Variants in SMYD3 observed in about 807,000 individuals in gnomAD.
The protein encoded by SMYD3 is histone-lysine N-methyltransferase SMYD3.
SMYD3 carries 36 observed loss-of-function variants against 57.7 expected under a neutral mutation model. The ratio of observed to expected loss-of-function variants is 0.62; its 90% CI spans 0.48 to 0.82. The LOEUF is 0.82. Among genes scored for constraint, SMYD3 ranks in the 40% least tolerant of loss-of-function variants. The probability of loss-of-function intolerance (pLI) is 0.00; values close to 1 mark genes in which losing one functional copy is unlikely to be tolerated. For synonymous variants in SMYD3, 211 were observed against 195.0 expected (o/e 1.08, Z -0.68); for missense variants, 515 against 538.8 (o/e 0.96, Z 0.44).
intron 5 of SMYD3, among the ~76,000 whole-genome samples, chr1:246,207,203 C>T (rs565546295): frequency 6.6e-6 from 1 of 152,146 alleles, no homozygotes; most frequent in Admixed American, 6.5e-5. Flanking sequence ...CTGTACCACA[C>T]ATAAAACATC....
chr1:246,029,620 C>G (rs1474241996), intron 5 of SMYD3, among the ~76,000 whole-genome samples: 2 of 146,062 alleles, frequency 1.4e-5, no homozygotes, highest in Admixed American at 1.4e-4. Context: ...TGCAGTGAGC[C>G]AAGATCCTAC....
chr1:246,105,760 C>A (rs1203172291), intron 5 of SMYD3, among the ~76,000 whole-genome samples: 2 of 152,188 alleles, frequency 1.3e-5, no homozygotes, highest in Non-Finnish European at 2.9e-5. Flanking sequence ...GCCCGAAATG[C>A]CAGGTGGAAA....
intron 10 of SMYD3, among the ~76,000 whole-genome samples, chr1:245,807,539 A>G (rs1313105898): frequency 6.6e-6 from 1 of 152,206 alleles, no homozygotes; most frequent in Non-Finnish European, 1.5e-5. Context: ...GGCAGCAGAG[A>G]GAGAATTACC....
At chr1:246,440,176 C>A (rs1289019235) in intron 1 of SMYD3, among the ~76,000 whole-genome samples, 1 of 151,950 alleles carries the variant, frequency 6.6e-6, no homozygotes, top group Non-Finnish European at 1.5e-5. Flanking sequence ...GAAAGACAAC[C>A]ACTATTAAAC....
chr1:246,169,901 C>CAAAA (rs35486805), intron 5 of SMYD3, among the ~76,000 whole-genome samples: 28 of 107,390 alleles, frequency 2.6e-4, no homozygotes, highest in African/African-American at 9.6e-4. Flanking sequence ...AAGACTCTGC[C>CAAAA]AAAAAAAAAA....
intron 10 of SMYD3, among the ~76,000 whole-genome samples, chr1:245,767,529 G>A (rs1428086820): frequency 2.0e-5 from 3 of 152,196 alleles, no homozygotes; most frequent in Non-Finnish European, 4.4e-5. Flanking sequence ...GTGTGCTCTG[G>A]GAGCAGCCGG....
chr1:245,955,100 GT>G (rs1295484688), intron 5 of SMYD3, among the ~76,000 whole-genome samples: 10 of 152,020 alleles, frequency 6.6e-5, no homozygotes, highest in African/African-American at 2.4e-5. Context: ...GTGGTGTTTT[GT>G]TTTTGTTTTT....
Position 245,858,504 on chromosome 1 carries a change from C to T in SMYD3, c.1068G>A (p.Glu356=). The T allele has an allele frequency of 1.2e-6, 2 of 1,613,618 alleles. No individual in the cohort carries two copies. Among genetic ancestry groups the T allele is most frequent in the Non-Finnish European group, 1.7e-6 (2 of 1,179,812 alleles). The change falls in exon 10 of 12, where the codon GAG becomes GAA. Residue 356 remains glutamate (E), a synonymous_variant. Transcript: ENST00000490107. ...CTCTCCCTGGGACTTGCCTGTATGG[C>T]TCCATGGTCCGAGTACCATAGAACA... The part of the protein sequence containing the change: ...EALFYGTRTM[E]PYRIFFPGSH...
chr1:245,891,980 C>G (rs528434515), intron 8 of SMYD3, among the ~76,000 whole-genome samples: 39 of 152,230 alleles, frequency 2.6e-4, no homozygotes, highest in African/African-American at 9.1e-4. Flanking sequence ...CAGGAGTGAG[C>G]CATGAACACA....
intron 5 of SMYD3, among the ~76,000 whole-genome samples, chr1:246,303,264 G>C (rs2064923839): frequency 6.6e-6 from 1 of 152,164 alleles, no homozygotes; most frequent in South Asian, 2.1e-4. Flanking sequence ...GTGGTTGGCA[G>C]AATTTTAAGG....
At chr1:246,137,226 A>C (rs550467939) in intron 5 of SMYD3, among the ~76,000 whole-genome samples, 2 of 152,162 alleles carry the variant, frequency 1.3e-5, no homozygotes, top group Non-Finnish European at 2.9e-5. Context: ...ATATTTCATC[A>C]CTCCATAAGG....
intron 5 of SMYD3, among the ~76,000 whole-genome samples, chr1:245,968,653 T>C (rs1050827961): frequency 6.6e-6 from 1 of 152,220 alleles, no homozygotes; most frequent in Admixed American, 6.5e-5. Flanking sequence ...TTGAATCTTG[T>C]GACTCGGGGC....
rs568823144 is a variant in SMYD3 at position 246,280,287 on chromosome 1, T to C, written c.531+46914A>G. Among the ~76,000 whole-genome samples, 5 of 152,336 alleles carry C rather than the reference T, an allele frequency of 3.3e-5. No homozygotes were observed. In the East Asian group the frequency reaches 9.6e-4, roughly 29 times the overall value. ...AGGCACAAAGTATTATTTTATAAAG[T>C]CTACCAAGTAACGAACATCAAAGAA... On this transcript the variant is annotated intron_variant, in intron 5 of 11. Coordinates refer to ENST00000490107, the MANE Select transcript of SMYD3 (RefSeq NM_001167740.2).
At chr1:246,423,844 T>C (rs2067181627) in intron 1 of SMYD3, among the ~76,000 whole-genome samples, 2 of 152,120 alleles carry the variant, frequency 1.3e-5, no homozygotes, top group South Asian at 2.1e-4. Context: ...TAGACCACTG[T>C]AGAAACTTTG....
chr1:245,912,335 T>C (rs1284362736), intron 8 of SMYD3, among the ~76,000 whole-genome samples: 1 of 151,944 alleles, frequency 6.6e-6, no homozygotes, highest in African/African-American at 2.4e-5. Context: ...ATAAGAACTA[T>C]AAAACATTGA....
intron 10 of SMYD3, among the ~76,000 whole-genome samples, chr1:245,823,925 C>A (rs2049318760): frequency 6.6e-6 from 1 of 152,166 alleles, no homozygotes; most frequent in South Asian, 2.1e-4. Context: ...CCAGGGAGAC[C>A]CACGTGCTCC....
At chr1:246,072,777 A>G (rs1389139795) in intron 5 of SMYD3, among the ~76,000 whole-genome samples, 1 of 149,166 alleles carries the variant, frequency 6.7e-6, no homozygotes, top group East Asian at 2.0e-4. Context: ...CAGATGGTAA[A>G]CTGCTTTCTC....
chr1:245,930,437 GT>G (rs2147849825), intron 5 of SMYD3: 1 of 328,060 alleles, frequency 3.0e-6, no homozygotes, highest in East Asian at 8.1e-5. Flanking sequence ...ATGCGTGTTG[GT>G]GAAGACCACA....
chr1:245,851,243 C>T (rs2050957961), intron 10 of SMYD3, among the ~76,000 whole-genome samples: 1 of 152,196 alleles, frequency 6.6e-6, no homozygotes, highest in South Asian at 2.1e-4. Flanking sequence ...CTGTTGAAGG[C>T]TATCTGTAAG....
Sources: allele counts gnomAD v4.1 joint callset (sites outside exome capture counted in the v4.1 genomes callset), GRCh38; gene constraint gnomAD v4.1.1; transcripts MANE v1.5; gene names NCBI Gene and HGNC (gene_info 2026-07-23, HGNC 2026-07-21).